Variants in ZNF385D observed in about 807,000 individuals in gnomAD.
The protein encoded by ZNF385D is zinc finger protein 659.
A neutral mutation model predicts 35.8 loss-of-function variants in ZNF385D; 15 were observed. The observed-to-expected ratio is 0.42, with a 90% CI of 0.28 to 0.64. ZNF385D has a LOEUF of 0.64. Ranked by LOEUF, ZNF385D falls within the 30% of genes least tolerant of loss-of-function variation. The probability of loss-of-function intolerance (pLI) is 0.23; values close to 1 mark genes in which losing one functional copy is unlikely to be tolerated. For missense variants in ZNF385D, 474 were observed against 494.6 expected (o/e 0.96, Z 0.39); for synonymous variants, 212 against 186.8 (o/e 1.13, Z -1.10).
chr3:22,068,258 C>A (rs543503178), intron 3 of ZNF385D, among the ~76,000 whole-genome samples: 1 of 152,192 alleles, frequency 6.6e-6, no homozygotes, highest in South Asian at 2.1e-4. Flanking sequence ...TAATTCTATT[C>A]TTTTTTTCAC....
intron 2 of ZNF385D, among the ~76,000 whole-genome samples, chr3:22,346,771 T>C (rs765732396): frequency 6.6e-6 from 1 of 152,210 alleles, no homozygotes; most frequent in Non-Finnish European, 1.5e-5. Flanking sequence ...TTTATACTAA[T>C]CATGAAAATA....
chr3:22,255,364 T>C (rs1240032893), intron 2 of ZNF385D, among the ~76,000 whole-genome samples: 1 of 151,792 alleles, frequency 6.6e-6, no homozygotes, highest in Non-Finnish European at 1.5e-5. Context: ...ACAAATATAT[T>C]ATTGTTTTAC....
intron 3 of ZNF385D, among the ~76,000 whole-genome samples, chr3:22,059,005 T>C (rs1031701253): frequency 7.2e-5 from 11 of 152,102 alleles, no homozygotes; most frequent in Admixed American, 2.6e-4. Context: ...CCCCTAAACC[T>C]CCTACTAGGT....
chr3:22,135,214 G>A (rs192610652), intron 3 of ZNF385D, among the ~76,000 whole-genome samples: 210 of 152,054 alleles, frequency 1.4e-3, no homozygotes, highest in African/African-American at 4.8e-3. Context: ...AGACATATTG[G>A]CAACTTCAAA....
At chr3:22,130,507 C>T (rs551513390) in intron 3 of ZNF385D, among the ~76,000 whole-genome samples, 3 of 152,182 alleles carry the variant, frequency 2.0e-5, no homozygotes, top group South Asian at 2.1e-4. Flanking sequence ...CCTTGGGTAG[C>T]GCTGGTCTAA....
intron 3 of ZNF385D, among the ~76,000 whole-genome samples, chr3:22,063,659 G>T (rs1457938146): frequency 6.6e-6 from 1 of 152,160 alleles, no homozygotes; most frequent in African/African-American, 2.4e-5. Flanking sequence ...TGCCCCAGCT[G>T]CTAGGCATGC....
intron 1 of ZNF385D, among the ~76,000 whole-genome samples, chr3:21,744,599 G>C (rs966219998): frequency 1.3e-5 from 2 of 152,118 alleles, no homozygotes; most frequent in African/African-American, 4.8e-5. Context: ...CTTAAGCAAA[G>C]TGAAAGCTGA....
intron 4 of ZNF385D, among the ~76,000 whole-genome samples, chr3:21,461,734 T>C (rs546869148): frequency 5.9e-5 from 9 of 152,352 alleles, no homozygotes; most frequent in African/African-American, 1.9e-4. Context: ...TCTCTAGCCA[T>C]TTGAAATCAT....
intron 4 of ZNF385D, among the ~76,000 whole-genome samples, chr3:21,499,583 C>A (rs749973501): frequency 6.6e-6 from 1 of 150,850 alleles, no homozygotes; most frequent in African/African-American, 2.4e-5. Flanking sequence ...CTGTGACATG[C>A]AATTTACCTG....
At chr3:21,861,511 C>T (rs556113306) in intron 3 of ZNF385D, among the ~76,000 whole-genome samples, 6 of 152,094 alleles carry the variant, frequency 3.9e-5, no homozygotes, top group East Asian at 1.9e-4. Flanking sequence ...AAAATGTCTA[C>T]GGGGAGAATT....
intron 1 of ZNF385D, among the ~76,000 whole-genome samples, chr3:21,732,438 G>A (rs562264671): frequency 6.6e-6 from 1 of 152,090 alleles, no homozygotes; most frequent in Non-Finnish European, 1.5e-5. Context: ...ATGGTAAAAA[G>A]AAGTTTAGTT....
upstream of ZNF385D, among the ~76,000 whole-genome samples, chr3:21,753,087 C>T (rs144762291): frequency 4.6e-3 from 697 of 152,254 alleles, 4 homozygotes; most frequent in Non-Finnish European, 6.9e-3. Flanking sequence ...ATTAATAACA[C>T]GCTTGCATTT....
intron 3 of ZNF385D, among the ~76,000 whole-genome samples, chr3:21,548,921 T>A (rs749601671): frequency 3.9e-5 from 6 of 152,220 alleles, no homozygotes; most frequent in Non-Finnish European, 8.8e-5. Flanking sequence ...TTTCTCAACC[T>A]ATACAATGTA....
intron 2 of ZNF385D, among the ~76,000 whole-genome samples, chr3:21,568,035 AATTTT>A (rs1249669252): frequency 6.6e-6 from 1 of 151,966 alleles, no homozygotes; most frequent in Non-Finnish European, 1.5e-5. Context: ...CTGCAGAGAC[AATTTT>A]ATTTCCCAGA....
intron 3 of ZNF385D, among the ~76,000 whole-genome samples, chr3:21,812,985 T>C (rs2072997031): frequency 6.6e-6 from 1 of 152,156 alleles, no homozygotes; most frequent in African/African-American, 2.4e-5. Flanking sequence ...GGTGCGCCTC[T>C]GAGATGAAGC....
intron 2 of ZNF385D, among the ~76,000 whole-genome samples, chr3:22,365,236 A>G (rs952456599): frequency 6.6e-6 from 1 of 152,082 alleles, no homozygotes; most frequent in Non-Finnish European, 1.5e-5. Flanking sequence ...TTAAGATGAT[A>G]CATTTCATAT....
At chr3:21,968,072 C>T (rs1476875060) in intron 3 of ZNF385D, among the ~76,000 whole-genome samples, 4 of 152,068 alleles carry the variant, frequency 2.6e-5, no homozygotes, top group Admixed American at 6.6e-5. Context: ...TGTGGGTGTA[C>T]GGTGCAGAGA....
At chr3:21,919,053 G>A (rs1700327891) in intron 3 of ZNF385D, among the ~76,000 whole-genome samples, 1 of 152,176 alleles carries the variant, frequency 6.6e-6, no homozygotes, top group African/African-American at 2.4e-5. Flanking sequence ...TAGTATCGTG[G>A]ACATGGTCTT....
At chr3:22,093,343 T>A (rs1288938508) in intron 3 of ZNF385D, among the ~76,000 whole-genome samples, 1 of 151,590 alleles carries the variant, frequency 6.6e-6, no homozygotes, top group Non-Finnish European at 1.5e-5. Context: ...TGGATACAAA[T>A]AAAATATTAT....
Sources: gnomAD v4.1 joint callset for allele counts (sites outside exome capture counted in the v4.1 genomes callset) on GRCh38, gnomAD v4.1.1 for gene constraint, MANE v1.5 for transcripts, NCBI Gene and HGNC (gene_info 2026-07-23, HGNC 2026-07-21) for gene names.